The following PPIA variants were observed in gnomAD, a reference collection of about 807,000 sequenced individuals.
The protein encoded by PPIA is peptidyl-prolyl cis-trans isomerase A.
In PPIA, 2 loss-of-function variants were observed where a neutral mutation model predicts 15.3. The ratio of observed to expected loss-of-function variants is 0.13; its 90% confidence interval spans 0.05 to 0.41. The LOEUF is 0.41. PPIA is among the 10% of genes least tolerant of loss of function. The pLI, the probability that PPIA is intolerant of heterozygous loss-of-function variation, is 0.99. For missense variants in PPIA, 103 were observed against 210.3 expected, an observed-to-expected ratio of 0.49 and a Z score of 3.16; for synonymous variants, 67 against 73.1, an observed-to-expected ratio of 0.92 and a Z score of 0.43.
intron 2 of PPIA, 48 bp from the exon 3 acceptor site, chr7:44,799,344 T>C (rs763717314): frequency 6.3e-7 from 1 of 1,599,600 alleles, no homozygotes; most frequent in Non-Finnish European, 8.5e-7. Context: ...TGTGTGTATA[T>C]ATATATTTTT....
At position 44,801,247 on chromosome 7, in the gene PPIA, T is replaced by C. The variant is rs764334079; in HGVS notation, c.363-40T>C. On this transcript the variant is annotated intron_variant, in intron 4 of 4. Transcript: ENST00000468812. The stretch of plus-strand genomic sequence containing the variant: ...TTCATGACACATGGAGGCTGCTTGT[T>C]TGTGGTTGCCAGTCATAGTGATTGT... 1.9e-6 allele frequency: 3 copies of C among 1,608,956 alleles called. No individual in the cohort carries two copies. In the South Asian group the frequency reaches 3.3e-5, roughly 18 times the overall value.
At chr7:44,799,055 T>G in intron 1 of PPIA, 192 bp from the exon 2 acceptor site, 1 of 1,115,280 alleles carries the variant, frequency 9.0e-7, no homozygotes, top group Non-Finnish European at 1.2e-6. Context: ...TGGCATGTCT[T>G]TGGGTTTCAT....
In PPIA at chr7:44,801,192, A is replaced by G; in HGVS notation, c.363-95A>G. On this transcript the variant is annotated intron_variant, in intron 4 of 4. Coordinates refer to ENST00000468812, the MANE Select transcript of PPIA (RefSeq NM_021130.5). ...TAGTACAAAAGGCTTCAGTTAAAAAAAAAAAAAAAAGCTACCTTTCTCGTC... is the reference window on the plus strand; with the variant it reads ...TAGTACAAAAGGCTTCAGTTAAAAAGAAAAAAAAAAGCTACCTTTCTCGTC... 1.4e-5 allele frequency: 19 copies of G among 1,347,628 alleles called. No individual in the cohort carries two copies. In the African/African-American group the frequency reaches 2.4e-4, roughly 17 times the overall value. 83.5% of individuals were successfully genotyped at this position (1,347,628 alleles called of 1,614,324 possible). A position where few individuals can be genotyped will look rare whatever the true frequency, so the allele number is the denominator to read the frequency against.
chr7:44,801,183 A>G, intron 4 of PPIA, 104 bp from the exon 5 acceptor site: 2 of 1,143,174 alleles, frequency 1.7e-6, no homozygotes, highest in South Asian at 1.4e-5. Context: ...AAAAGGCTTC[A>G]GTTAAAAAAA....
intron 1 of PPIA, 160 bp from the exon 2 acceptor site, chr7:44,799,087 C>A: frequency 9.3e-7 from 1 of 1,075,232 alleles, no homozygotes; most frequent in Non-Finnish European, 1.3e-6. Flanking sequence ...CAACTGCCTG[C>A]AGGGCCTTAT....
Position 44,801,472 on chromosome 7 carries a change from A to T in PPIA, c.*50A>T, listed in dbSNP as rs1239764860. 12 of 1,372,194 alleles carry T rather than the reference A, an allele frequency of 8.7e-6. No homozygotes were observed. In the East Asian group the frequency reaches 2.5e-4, roughly 29 times the overall value. 85.0% of individuals were successfully genotyped at this position (1,372,194 alleles called of 1,614,324 possible). On this transcript the variant is annotated 3_prime_UTR_variant, in exon 5 of 5. Transcript: ENST00000468812. ...CACCAGATCATTCCTTCTGTAGCTC[A>T]GGAGAGCACCCCTCCACCCCATTTG...
chr7:44,799,946 C>T (rs1296389689), intron 4 of PPIA, 72 bp downstream of exon 4: 9 of 1,480,044 alleles, frequency 6.1e-6, no homozygotes, highest in African/African-American at 5.5e-5. Context: ...GGAACAAACA[C>T]TACTTTTCTT....
At chr7:44,797,125 C>T (rs1461398747) in intron 1 of PPIA, among the ~76,000 whole-genome samples, 3 of 152,178 alleles carry the variant, frequency 2.0e-5, no homozygotes, top group Non-Finnish European at 4.4e-5. Flanking sequence ...CCTTGAGAGT[C>T]GTTGGGCTCC....
At chr7:44,798,049 G>A (rs1049717200) in intron 1 of PPIA, 4 of 152,168 alleles carry the variant, frequency 2.6e-5, no homozygotes, top group South Asian at 2.1e-4. Flanking sequence ...CTGACCTAAT[G>A]TTGGGCATCA....
At chr7:44,800,971 C>T (rs1277383081) in intron 4 of PPIA, among the ~76,000 whole-genome samples, 1 of 152,094 alleles carries the variant, frequency 6.6e-6, no homozygotes, top group African/African-American at 2.4e-5. Flanking sequence ...GCACACGCCA[C>T]CATGCCCGGC....
chr7:44,799,496 AATTTT>A lies in PPIA; in HGVS notation c.189+26_189+30del, dbSNP rs1164676521. The A allele has an allele frequency of 3.1e-6, 5 of 1,608,388 alleles. No homozygotes were observed. The highest frequency in any genetic ancestry group is 4.5e-5 in the East Asian group (2 of 44,874). ...TATGTGTCAGGTACGAAATTTACTG[AATTTT>A]ATTTTATTTGGGTTGCTCCCTTCAT... On this transcript the variant is annotated intron_variant, in intron 3 of 4. Transcript: ENST00000468812.
At chr7:44,801,214 C>G in intron 4 of PPIA, 73 bp from the exon 5 acceptor site, 1 of 1,493,952 alleles carries the variant, frequency 6.7e-7, no homozygotes, top group Non-Finnish European at 9.1e-7. Flanking sequence ...CTACCTTTCT[C>G]GTCTTGGTTC....
At chr7:44,797,497 C>A (rs1010384124) in intron 1 of PPIA, among the ~76,000 whole-genome samples, 3 of 152,196 alleles carry the variant, frequency 2.0e-5, no homozygotes, top group African/African-American at 7.2e-5. Context: ...TTGCTGGTGC[C>A]CAAGGACCGC....
At chr7:44,801,212 C>G in intron 4 of PPIA, 75 bp from the exon 5 acceptor site, 1 of 1,454,880 alleles carries the variant, frequency 6.9e-7, no homozygotes, top group Non-Finnish European at 9.3e-7. Context: ...AGCTACCTTT[C>G]TCGTCTTGGT....
intron 1 of PPIA, chr7:44,798,984 T>G: frequency 8.3e-7 from 1 of 1,200,778 alleles, no homozygotes; most frequent in South Asian, 2.4e-5. Flanking sequence ...TGTGATGTAC[T>G]AAAAGTTTGA....
intron 1 of PPIA, among the ~76,000 whole-genome samples, chr7:44,797,195 G>A (rs1440208169): frequency 2.0e-5 from 3 of 152,170 alleles, no homozygotes; most frequent in East Asian, 1.9e-4. Flanking sequence ...GGGGGCTTGC[G>A]ACCGCCTTCC....
chr7:44,798,738 C>T (rs1232551037), intron 1 of PPIA: 2 of 986,322 alleles, frequency 2.0e-6, no homozygotes, highest in East Asian at 2.3e-4. Context: ...ATTTTTTACC[C>T]CACTACTAGG....
rs1331749511 is a variant in PPIA at position 44,801,880 on chromosome 7, T to G, written c.*458T>G. ...CTGAGGGTAGGAGTCAAGATCAGCCTGGGCAACATAGTGAGACGCTGTCTC... is the reference window on the plus strand; with the variant it reads ...CTGAGGGTAGGAGTCAAGATCAGCCGGGGCAACATAGTGAGACGCTGTCTC... On this transcript the variant is annotated 3_prime_UTR_variant, in exon 5 of 5. Coordinates refer to ENST00000468812, the MANE Select transcript of PPIA (RefSeq NM_021130.5). 1.2e-5 allele frequency: 2 copies of G among 171,034 alleles called. No homozygotes were observed. Among genetic ancestry groups the G allele is most frequent in the Admixed American group, 1.2e-4 (2 of 17,142 alleles). 10.6% of individuals were successfully genotyped at this position (171,034 alleles called of 1,614,324 possible).
Position 44,799,707 on chromosome 7 carries a change from T to C in PPIA, c.195T>C (p.Gly65=). The C allele has an allele frequency of 6.2e-7, 1 of 1,614,006 alleles. No individual in the cohort carries two copies. The highest frequency in any genetic ancestry group is 8.5e-7 in the Non-Finnish European group (1 of 1,179,872). The change falls in exon 4 of 5, where the codon GGT becomes GGC. Residue 65 remains glycine, a synonymous_variant. Coordinates refer to ENST00000468812, the MANE Select transcript of PPIA (RefSeq NM_021130.5). ...TTTTTCCTATATGTTGACAGGGTGG[T>C]GACTTCACACGCCATAATGGCACTG... The part of the protein sequence containing the change: ...RIIPGFMCQG[G]DFTRHNGTGG...
Sources: gnomAD v4.1 joint callset for allele counts (sites outside exome capture counted in the v4.1 genomes callset) on GRCh38, gnomAD v4.1.1 for gene constraint, MANE v1.5 for transcripts, NCBI Gene and HGNC (gene_info 2026-07-23, HGNC 2026-07-21) for gene names.